Variants in KCNMB2 observed in about 807,000 individuals in gnomAD.
KCNMB2 encodes the protein potassium calcium-activated channel subfamily M regulatory beta subunit 2.
KCNMB2 carries 9 observed loss-of-function variants against 24.5 expected under a neutral mutation model. The ratio of observed to expected loss-of-function variants is 0.37; its 90% CI spans 0.22 to 0.64. The LOEUF is 0.64. Ranked by LOEUF, KCNMB2 falls within the 30% of genes least tolerant of loss-of-function variation. The probability of loss-of-function intolerance (pLI) is 0.63; values close to 1 mark genes in which losing one functional copy is unlikely to be tolerated. For missense variants in KCNMB2, 226 were observed against 284.3 expected, an observed-to-expected ratio of 0.79 and a Z score of 1.47; for synonymous variants, 109 against 104.4, an observed-to-expected ratio of 1.04 and a Z score of -0.27.
At chr3:178,540,350 C>T (rs759164182) in intron 1 of KCNMB2, among the ~76,000 whole-genome samples, 5 of 152,234 alleles carry the variant, frequency 3.3e-5, no homozygotes, top group Non-Finnish European at 5.9e-5. Context: ...TGGTCTCTTA[C>T]TTCTGCCTCC....
chr3:178,751,936 T>C (rs1383351382), intron 1 of KCNMB2, among the ~76,000 whole-genome samples: 1 of 152,196 alleles, frequency 6.6e-6, no homozygotes, highest in African/African-American at 2.4e-5. Flanking sequence ...TAGAATAACT[T>C]CCTTTTGGCC....
chr3:178,633,070 C>T (rs1046692473), intron 1 of KCNMB2, among the ~76,000 whole-genome samples: 3 of 152,244 alleles, frequency 2.0e-5, no homozygotes, highest in Admixed American at 6.5e-5. Flanking sequence ...AAGAGGTAGC[C>T]TCCCATGGTC....
At chr3:178,820,914 A>T (rs1577213836) in intron 2 of KCNMB2, among the ~76,000 whole-genome samples, 1 of 152,224 alleles carries the variant, frequency 6.6e-6, no homozygotes, top group Admixed American at 6.5e-5. Flanking sequence ...TATTGTCAAC[A>T]TGTGGTTCAC....
chr3:178,768,423 T>G (rs1052810507), intron 1 of KCNMB2, among the ~76,000 whole-genome samples: 1 of 152,154 alleles, frequency 6.6e-6, no homozygotes, highest in Non-Finnish European at 1.5e-5. Flanking sequence ...GTGAAGACTA[T>G]ACATGATAAA....
At chr3:178,806,566 G>T (rs189924732) in intron 1 of KCNMB2, among the ~76,000 whole-genome samples, 4 of 151,830 alleles carry the variant, frequency 2.6e-5, no homozygotes, top group East Asian at 3.9e-4. Flanking sequence ...TATGATTAAG[G>T]CTTTTTTATT....
chr3:178,584,795 T>C (rs1268339919), intron 1 of KCNMB2, among the ~76,000 whole-genome samples: 1 of 152,202 alleles, frequency 6.6e-6, no homozygotes, highest in Non-Finnish European at 1.5e-5. Context: ...ATTAATATTA[T>C]GTAAGCGACA....
At chr3:178,841,689 A>G (rs1715434502) in intron 4 of KCNMB2, 1 of 152,140 alleles carries the variant, frequency 6.6e-6, no homozygotes, top group South Asian at 2.1e-4. Flanking sequence ...ATCAAATCTC[A>G]TGAGAACTTA....
intron 1 of KCNMB2, among the ~76,000 whole-genome samples, chr3:178,780,837 T>C (rs1236659145): frequency 1.3e-5 from 2 of 152,246 alleles, no homozygotes; most frequent in Non-Finnish European, 2.9e-5. Context: ...ACCTATTACA[T>C]ACCAAGTGCT....
At chr3:178,657,935 C>A (rs28583386) in intron 1 of KCNMB2, among the ~76,000 whole-genome samples, 1 of 152,202 alleles carries the variant, frequency 6.6e-6, no homozygotes, top group African/African-American at 2.4e-5. Flanking sequence ...TCCTAATGAC[C>A]TAATTGCTTC....
intron 1 of KCNMB2, among the ~76,000 whole-genome samples, chr3:178,686,309 T>C (rs1384791067): frequency 6.6e-6 from 1 of 152,208 alleles, no homozygotes; most frequent in African/African-American, 2.4e-5. Context: ...AACCTGTGCA[T>C]TTTCCATACT....
Position 178,570,515 on chromosome 3 carries a change from C to CT in KCNMB2, c.-68+33829dup, listed in dbSNP as rs200106452. On this transcript the variant is annotated intron_variant, in intron 1 of 4. Transcript: ENST00000452583. ...GAACATTGACCAAAGGTAATGATAC[C>CT]TTTTTTTTTTTTTTTTTTTTTTTTT... Among the ~76,000 whole-genome samples, 1,110 of 114,396 alleles carry CT rather than the reference C, an allele frequency of 9.7e-3. 7 individuals are homozygous for CT. The highest frequency in any genetic ancestry group is 0.014 in the East Asian group (48 of 3,386). 75.0% of individuals were successfully genotyped at this position (114,396 alleles called of 152,430 possible).
chr3:178,690,960 T>TG (rs1439545633), intron 1 of KCNMB2, among the ~76,000 whole-genome samples: 7 of 152,006 alleles, frequency 4.6e-5, no homozygotes, highest in Non-Finnish European at 8.8e-5. Flanking sequence ...TTTTTTAAGA[T>TG]GGAGTCTCAC....
intron 1 of KCNMB2, among the ~76,000 whole-genome samples, chr3:178,699,177 C>T (rs1048374180): frequency 6.6e-6 from 1 of 152,218 alleles, no homozygotes; most frequent in Admixed American, 6.5e-5. Context: ...TAGCTCAGGC[C>T]TGGGTGCCTT....
At chr3:178,720,024 C>T (rs899654605) in intron 1 of KCNMB2, among the ~76,000 whole-genome samples, 1 of 151,994 alleles carries the variant, frequency 6.6e-6, no homozygotes, top group Non-Finnish European at 1.5e-5. Context: ...TACATGTGCA[C>T]AACGTGCCGG....
chr3:178,793,188 A>AAT (rs1713393591), intron 1 of KCNMB2, among the ~76,000 whole-genome samples: 1 of 152,210 alleles, frequency 6.6e-6, no homozygotes, highest in Non-Finnish European at 1.5e-5. Context: ...TATGGAATCA[A>AAT]ACATATATGG....
chr3:178,692,717 A>G (rs1721726234), intron 1 of KCNMB2, among the ~76,000 whole-genome samples: 1 of 152,048 alleles, frequency 6.6e-6, no homozygotes, highest in South Asian at 2.1e-4. Context: ...GGATTGTGTC[A>G]GCTGTTTGGG....
At chr3:178,759,711 C>A (rs1264649405) in intron 1 of KCNMB2, among the ~76,000 whole-genome samples, 1 of 89,674 alleles carries the variant, frequency 1.1e-5, no homozygotes, top group Non-Finnish European at 2.2e-5. Context: ...TATATATATC[C>A]AAGAGGATAT....
chr3:178,713,358 C>T (rs1258960580), intron 1 of KCNMB2, among the ~76,000 whole-genome samples: 1 of 152,200 alleles, frequency 6.6e-6, no homozygotes, highest in Non-Finnish European at 1.5e-5. Context: ...AAAACCAGCT[C>T]TGTAAAGCTG....
intron 1 of KCNMB2, among the ~76,000 whole-genome samples, chr3:178,567,236 A>AGT (rs144913151): frequency 9.8e-4 from 149 of 151,954 alleles, no homozygotes; most frequent in African/African-American, 3.2e-3. Flanking sequence ...AGCGTGTGAG[A>AGT]GTGTGTGTGT....
Sources: allele counts gnomAD v4.1 joint callset (sites outside exome capture counted in the v4.1 genomes callset), GRCh38; gene constraint gnomAD v4.1.1; transcripts MANE v1.5; gene names NCBI Gene and HGNC (gene_info 2026-07-23, HGNC 2026-07-21).